DSCAML1: variants seen among roughly 807,000 people sequenced by gnomAD.
DSCAML1 encodes the protein DS cell adhesion molecule like 1.
Under a neutral mutation model 200.5 loss-of-function variants are expected in DSCAML1, and 38 were observed. The observed-to-expected ratio is 0.19, with a 90% CI of 0.15 to 0.25. DSCAML1 has a LOEUF of 0.25. Ranked by LOEUF, DSCAML1 falls within the 10% of genes least tolerant of loss-of-function variation. The probability of loss-of-function intolerance (pLI) is 1.00; values close to 1 mark genes in which losing one functional copy is unlikely to be tolerated. For synonymous variants in DSCAML1, 1,215 were observed against 1,165.0 expected, an observed-to-expected ratio of 1.04 and a Z score of -0.87; for missense variants, 2,223 against 2,858.8, an observed-to-expected ratio of 0.78 and a Z score of 5.07.
At position 117,461,345 on chromosome 11, in the gene DSCAML1, T is replaced by A. The variant is rs1054034046; in HGVS notation, c.3412+105A>T. On this transcript the variant is annotated intron_variant, in intron 18 of 32. Transcript: ENST00000651296. Reference sequence around the variant, plus strand: ...GGAGAAGAGGGGGCTGCACTTCCTCTTGCCAAGCTGTGGGAGGATGCTCAG... The same window carrying A: ...GGAGAAGAGGGGGCTGCACTTCCTCATGCCAAGCTGTGGGAGGATGCTCAG... 2.6e-6 allele frequency: 4 copies of A among 1,527,122 alleles called. No homozygotes were observed. In the African/African-American group the frequency reaches 5.5e-5, roughly 21 times the overall value. The allele number at this position is 1,527,122 out of a possible 1,614,324, so 94.6% of individuals were successfully genotyped here.
intron 3 of DSCAML1, among the ~76,000 whole-genome samples, chr11:117,663,348 A>C (rs1451274516): frequency 6.6e-6 from 1 of 151,118 alleles, no homozygotes. Flanking sequence ...TGCTTCCTCT[A>C]CCTTTGGTTT....
intron 3 of DSCAML1, among the ~76,000 whole-genome samples, chr11:117,595,578 A>G (rs983966863): frequency 6.6e-6 from 1 of 152,216 alleles, no homozygotes; most frequent in Non-Finnish European, 1.5e-5. Context: ...AATGGCAGGG[A>G]TAACAGAACA....
intron 3 of DSCAML1, among the ~76,000 whole-genome samples, chr11:117,613,944 C>T (rs941612491): frequency 1.3e-5 from 2 of 152,090 alleles, no homozygotes; most frequent in Non-Finnish European, 2.9e-5. Context: ...GCGGCTGTAT[C>T]CTGATCTGGC....
At chr11:117,528,730 C>T (rs1353850854) in intron 4 of DSCAML1, among the ~76,000 whole-genome samples, 1 of 152,198 alleles carries the variant, frequency 6.6e-6, no homozygotes, top group Non-Finnish European at 1.5e-5. Context: ...TCCTTTATAA[C>T]TGCAGGTGAC....
rs752074357 is a variant in DSCAML1 at position 117,437,138 on chromosome 11, G to A, written c.4704C>T (p.Thr1568=). 2.5e-6 allele frequency: 4 copies of A among 1,613,074 alleles called. No individual in the cohort carries two copies. Among genetic ancestry groups the A allele is most frequent in the Non-Finnish European group, 3.4e-6 (4 of 1,179,264 alleles). ...GCGNETAQFA[T]LDYDGSTIPP... is the part of the protein sequence containing the mutation. Reference sequence around the variant, plus strand: ...GCGACTCACTGCCATCGTAGTCCAGGGTGGCGAACTGGGCTGTTTCATTGC... The same window carrying A: ...GCGACTCACTGCCATCGTAGTCCAGAGTGGCGAACTGGGCTGTTTCATTGC... Residue 1568 remains threonine (T), a synonymous_variant, in exon 26 of 33, where the codon ACC becomes ACT. Coordinates refer to ENST00000651296, the MANE Select transcript of DSCAML1 (RefSeq NM_020693.4). The surrounding 1 kb of genome is among the most constrained non-coding windows in gnomAD (Gnocchi z 5.3).
intron 8 of DSCAML1, among the ~76,000 whole-genome samples, chr11:117,509,189 G>A (rs950279765): frequency 3.9e-5 from 6 of 152,126 alleles, no homozygotes; most frequent in East Asian, 1.9e-4. Context: ...CGATGCCATC[G>A]GCTGGGGGTG....
intron 3 of DSCAML1, among the ~76,000 whole-genome samples, chr11:117,598,564 C>A (rs2051405181): frequency 6.6e-6 from 1 of 152,160 alleles, no homozygotes; most frequent in African/African-American, 2.4e-5. Flanking sequence ...GCCCCCATGC[C>A]CCACTGGGAA....
chr11:117,560,256 C>G (rs503281), intron 3 of DSCAML1, among the ~76,000 whole-genome samples: 130,546 of 152,086 alleles, frequency 0.86, 56,520 homozygotes, highest in Non-Finnish European at 0.92. Context: ...TACTATGCTA[C>G]GGTTTTGGAT....
chr11:117,725,676 A>G (rs1470300295), intron 3 of DSCAML1, among the ~76,000 whole-genome samples: 2 of 19,876 alleles, frequency 1.0e-4, no homozygotes, highest in Non-Finnish European at 9.5e-4. Context: ...CTGCAGGAGG[A>G]GGGAGGCCGG....
intron 3 of DSCAML1, among the ~76,000 whole-genome samples, chr11:117,568,859 GA>G (rs1222813398): frequency 1.3e-5 from 2 of 152,124 alleles, no homozygotes; most frequent in African/African-American, 2.4e-5. Context: ...TCAAGAATTG[GA>G]AAAAACTACT....
chr11:117,771,988 C>T lies in DSCAML1; in HGVS notation c.511+4803G>A, dbSNP rs528459059. Among the ~76,000 whole-genome samples, 11 of 152,112 alleles carry T rather than the reference C, an allele frequency of 7.2e-5. No individual in the cohort carries two copies. In the South Asian group the frequency reaches 1.2e-3, roughly 17 times the overall value. On this transcript the variant is annotated intron_variant, in intron 3 of 32. Coordinates refer to ENST00000651296, the MANE Select transcript of DSCAML1 (RefSeq NM_020693.4). ...TCCTGCGGCAGACAGATAGAAATAA[C>T]GGACTAGGACGCAAGACAGAATGAA...
At chr11:117,805,490 G>T (rs539228959) in intron 1 of DSCAML1, among the ~76,000 whole-genome samples, 1 of 152,338 alleles carries the variant, frequency 6.6e-6, no homozygotes, top group Admixed American at 6.5e-5. Flanking sequence ...GGTCAAATAG[G>T]TTTGGAAAAC....
At chr11:117,479,015 AC>A (rs1344250550) in intron 14 of DSCAML1, among the ~76,000 whole-genome samples, 1 of 152,254 alleles carries the variant, frequency 6.6e-6, no homozygotes, top group Non-Finnish European at 1.5e-5. Context: ...AGGTCCCTGG[AC>A]AGAGTGGCTT....
chr11:117,622,030 T>C (rs2051945028), intron 3 of DSCAML1, among the ~76,000 whole-genome samples: 1 of 152,246 alleles, frequency 6.6e-6, no homozygotes, highest in African/African-American at 2.4e-5. Context: ...GAAACTTAGA[T>C]GACCCTCAGT....
intron 3 of DSCAML1, among the ~76,000 whole-genome samples, chr11:117,604,295 C>T (rs973673896): frequency 6.7e-6 from 1 of 149,094 alleles, no homozygotes; most frequent in Non-Finnish European, 1.5e-5. Flanking sequence ...AGTGGCCCAA[C>T]ACGGCTGCTG....
At chr11:117,703,386 C>T (rs2053701425) in intron 3 of DSCAML1, among the ~76,000 whole-genome samples, 1 of 152,158 alleles carries the variant, frequency 6.6e-6, no homozygotes, top group African/African-American at 2.4e-5. Flanking sequence ...TCTACCAGGG[C>T]CCCTGCTGGA....
intron 3 of DSCAML1, among the ~76,000 whole-genome samples, chr11:117,687,198 A>C (rs2053414399): frequency 6.6e-6 from 1 of 152,162 alleles, no homozygotes; most frequent in African/African-American, 2.4e-5. Flanking sequence ...CAGGTAAAGA[A>C]GTTCAAGGAG....
At chr11:117,783,090 C>A in intron 1 of DSCAML1, among the ~76,000 whole-genome samples, 1 of 152,204 alleles carries the variant, frequency 6.6e-6, no homozygotes, top group East Asian at 1.9e-4. Context: ...CAAGAACACA[C>A]AGGTGCACAC....
At chr11:117,798,824 A>G (rs993923148), upstream of DSCAML1, among the ~76,000 whole-genome samples, 2 of 152,198 alleles carry the variant, frequency 1.3e-5, no homozygotes, top group Non-Finnish European at 2.9e-5. Context: ...TTGTATCAGA[A>G]GCAAGACTAG....
Sources: allele counts gnomAD v4.1 joint callset (sites outside exome capture counted in the v4.1 genomes callset), GRCh38; gene constraint gnomAD v4.1.1; non-coding constraint Gnocchi (gnomAD v3.1); transcripts MANE v1.5; gene names NCBI Gene and HGNC (gene_info 2026-07-23, HGNC 2026-07-21).